The following KLF8 variants were observed in gnomAD, a reference collection of about 807,000 sequenced individuals.
KLF8 encodes KLF transcription factor 8, also known as Krueppel-like factor 8.
Under a neutral mutation model 18.2 loss-of-function variants are expected in KLF8, and 10 were observed. That is an observed-to-expected ratio of 0.55 (90% CI 0.34 to 0.93). KLF8 has a LOEUF of 0.93. Ranked by LOEUF, KLF8 falls within the 40% of genes least tolerant of loss-of-function variation. The pLI, the probability that KLF8 is intolerant of heterozygous loss-of-function variation, is 0.02. For missense variants in KLF8, 264 were observed against 277.9 expected (o/e 0.95, Z 0.36); for synonymous variants, 109 against 97.3 (o/e 1.12, Z -0.71).
the KLF8 span, among the ~76,000 whole-genome samples, chrX:56,173,663 G>T: frequency 8.9e-6 from 1 of 111,736 alleles, no homozygotes; most frequent in Non-Finnish European, 1.9e-5. Context: ...GATGGGGATA[G>T]CATTGAATCT....
At chrX:55,992,667 G>C in the KLF8 span, among the ~76,000 whole-genome samples, 1 of 111,987 alleles carries the variant, frequency 8.9e-6, no homozygotes, top group Non-Finnish European at 1.9e-5. Flanking sequence ...AAATAGCATT[G>C]AAATCAGAAA....
the KLF8 span, among the ~76,000 whole-genome samples, chrX:56,140,995 T>C: frequency 9.0e-6 from 1 of 111,598 alleles, no homozygotes; most frequent in Non-Finnish European, 1.9e-5. Context: ...TTTTGTAGTT[T>C]TTTTGAGATG....
the KLF8 span, among the ~76,000 whole-genome samples, chrX:56,071,968 C>T: frequency 8.9e-6 from 1 of 111,902 alleles, no homozygotes; most frequent in Non-Finnish European, 1.9e-5. Context: ...GTTAATAACT[C>T]ATAAGGAGAT....
At chrX:56,196,378 T>A in the KLF8 span, among the ~76,000 whole-genome samples, 6 of 109,075 alleles carry the variant, frequency 5.5e-5, no homozygotes, top group Admixed American at 9.8e-5. Context: ...AATAAAGGGA[T>A]GAAGGAAGAT....
the KLF8 span, among the ~76,000 whole-genome samples, chrX:56,043,930 T>G: frequency 8.0e-5 from 9 of 112,908 alleles, no homozygotes; most frequent in African/African-American, 2.9e-4. Context: ...TTTCTGTCTT[T>G]GTGGCTTTAT....
chrX:55,910,961 G>T, the KLF8 span, among the ~76,000 whole-genome samples: 3 of 111,702 alleles, frequency 2.7e-5, no homozygotes, highest in Non-Finnish European at 5.6e-5. Context: ...ACCCCACACA[G>T]TTGAAAATCC....
chrX:56,191,408 C>G, the KLF8 span, among the ~76,000 whole-genome samples: 7 of 111,597 alleles, frequency 6.3e-5, no homozygotes, highest in African/African-American at 2.3e-4. Flanking sequence ...CACTCCTACT[C>G]AAACTATTTC....
At chrX:56,237,591 T>G (rs1162321597) in intron 1 of KLF8, among the ~76,000 whole-genome samples, 2 of 111,987 alleles carry the variant, frequency 1.8e-5, no homozygotes, top group Non-Finnish European at 3.8e-5. Context: ...TGCATAGGTT[T>G]TTACTATATG....
At chrX:56,199,699 A>G in the KLF8 span, among the ~76,000 whole-genome samples, 1 of 111,889 alleles carries the variant, frequency 8.9e-6, no homozygotes, top group Admixed American at 9.5e-5. Flanking sequence ...TAGAACTAGA[A>G]TTACCATTTG....
chrX:56,238,101 A>T (rs2066499911), intron 1 of KLF8, among the ~76,000 whole-genome samples: 1 of 111,740 alleles, frequency 8.9e-6, no homozygotes, highest in Admixed American at 9.5e-5. Context: ...AAGTCAGTTC[A>T]TAGCAGTGTG....
chrX:55,953,584 A>G, the KLF8 span, among the ~76,000 whole-genome samples: 1 of 111,399 alleles, frequency 9.0e-6, no homozygotes. Context: ...CTCACTATCA[A>G]GCTATATTAA....
the KLF8 span, among the ~76,000 whole-genome samples, chrX:55,924,598 A>G: frequency 9.0e-6 from 1 of 111,494 alleles, no homozygotes; most frequent in Non-Finnish European, 1.9e-5. Flanking sequence ...TCTTCATGCA[A>G]TGAATGAACA....
chrX:56,047,014 G>A, the KLF8 span, among the ~76,000 whole-genome samples: 1 of 110,387 alleles, frequency 9.1e-6, no homozygotes. Context: ...TTTAGGTTTG[G>A]ACATTTAACA....
the KLF8 span, among the ~76,000 whole-genome samples, chrX:55,959,578 G>T: frequency 8.9e-6 from 1 of 112,031 alleles, no homozygotes; most frequent in African/African-American, 3.2e-5. Flanking sequence ...AGGAAGTAAA[G>T]AACTCACTAC....
the KLF8 span, among the ~76,000 whole-genome samples, chrX:56,000,480 G>T: frequency 3.2e-4 from 28 of 87,457 alleles, 1 homozygote; most frequent in South Asian, 1.6e-3. Flanking sequence ...TTTCTTGGGG[G>T]GGGGGGGAGG....
intron 1 of KLF8, chrX:56,242,933 C>T (rs1380578965): frequency 8.9e-6 from 4 of 449,903 alleles, no homozygotes; most frequent in African/African-American, 2.4e-5. Flanking sequence ...CAGCTGGACT[C>T]AGTTTAGATG....
chrX:56,121,953 T>C, the KLF8 span, among the ~76,000 whole-genome samples: 2 of 111,919 alleles, frequency 1.8e-5, no homozygotes, highest in African/African-American at 6.5e-5. Context: ...TCTGCAAAAA[T>C]TGGGTGATAG....
the KLF8 span, among the ~76,000 whole-genome samples, chrX:56,159,194 G>T: frequency 8.9e-6 from 1 of 112,088 alleles, no homozygotes; most frequent in Non-Finnish European, 1.9e-5. Flanking sequence ...TATGTTTATT[G>T]ATTTGCGTAT....
At chrX:56,279,361 A>G (rs192715613) in intron 5 of KLF8, among the ~76,000 whole-genome samples, 4 of 111,684 alleles carry the variant, frequency 3.6e-5, no homozygotes, top group Admixed American at 2.9e-4. Flanking sequence ...GTTTTGTTAC[A>G]TGGATATGAT....
Sources: allele counts gnomAD v4.1 joint callset (sites outside exome capture counted in the v4.1 genomes callset), GRCh38; gene constraint gnomAD v4.1.1; transcripts MANE v1.5; gene names NCBI Gene and HGNC (gene_info 2026-07-23, HGNC 2026-07-21).